The following GPHN variants were observed in gnomAD, a reference collection of about 807,000 sequenced individuals.
GPHN encodes gephyrin.
A neutral mutation model predicts 95.5 loss-of-function variants in GPHN; 17 were observed. That is an observed-to-expected ratio of 0.18 (90% CI 0.12 to 0.27). GPHN has a LOEUF of 0.27. Ranked by LOEUF, GPHN falls within the 10% of genes least tolerant of loss-of-function variation. GPHN has a pLI of 1.00. For missense variants in GPHN, 660 were observed against 978.1 expected (o/e 0.67, Z 4.34); for synonymous variants, 320 against 322.5 (o/e 0.99, Z 0.08).
chr14:67,620,004 T>C, the GPHN span: 2 of 1,608,198 alleles, frequency 1.2e-6, no homozygotes, highest in Non-Finnish European at 1.7e-6. Context: ...GCCTCTCGCG[T>C]CTCCTCCAGA....
chr14:67,153,909 A>G (rs1033354837), intron 18 of GPHN, among the ~76,000 whole-genome samples: 1 of 152,198 alleles, frequency 6.6e-6, no homozygotes, highest in African/African-American at 2.4e-5. Context: ...CTTTATCACT[A>G]TGTCTGGTAC....
At chr14:67,674,349 C>T in the GPHN span, 2 of 1,563,764 alleles carry the variant, frequency 1.3e-6, no homozygotes, top group Non-Finnish European at 1.7e-6. Flanking sequence ...CTGCGCTCCC[C>T]ACGGCGTGGC....
chr14:67,272,736 A>G, the GPHN span, among the ~76,000 whole-genome samples: 2 of 152,098 alleles, frequency 1.3e-5, no homozygotes, highest in Admixed American at 1.3e-4. Context: ...TTGGCTCACT[A>G]CAACCTCTGC....
the GPHN span, among the ~76,000 whole-genome samples, chr14:67,201,218 CA>C: frequency 6.6e-6 from 1 of 152,140 alleles, no homozygotes; most frequent in East Asian, 1.9e-4. Flanking sequence ...TGCTTAAGCC[CA>C]GGAGCTCCAG....
the GPHN span, chr14:67,600,246 C>T: frequency 1.3e-6 from 2 of 1,483,790 alleles, no homozygotes; most frequent in Non-Finnish European, 1.8e-6. Flanking sequence ...CGCTGCACTG[C>T]GCTCGCCGGC....
At chr14:66,666,268 A>T (rs1457803422) in intron 1 of GPHN, among the ~76,000 whole-genome samples, 1 of 150,158 alleles carries the variant, frequency 6.7e-6, no homozygotes, top group Non-Finnish European at 1.5e-5. Flanking sequence ...TATATATATA[A>T]AATATTAATA....
At chr14:67,433,119 T>A in the GPHN span, among the ~76,000 whole-genome samples, 2 of 152,108 alleles carry the variant, frequency 1.3e-5, no homozygotes, top group African/African-American at 4.8e-5. Context: ...ACCAGCCATG[T>A]CCCAACCCAG....
chr14:67,692,093 A>G, the GPHN span: 4 of 193,608 alleles, frequency 2.1e-5, no homozygotes, highest in African/African-American at 9.5e-5. Flanking sequence ...AGAACCTCAA[A>G]TACAGCTCCA....
At chr14:67,644,825 C>T in the GPHN span, among the ~76,000 whole-genome samples, 1 of 151,944 alleles carries the variant, frequency 6.6e-6, no homozygotes, top group Non-Finnish European at 1.5e-5. Context: ...GTTGAAACCC[C>T]ATCTTTACTA....
At chr14:66,527,594 G>A (rs887304216) in intron 1 of GPHN, among the ~76,000 whole-genome samples, 2 of 152,044 alleles carry the variant, frequency 1.3e-5, no homozygotes, top group African/African-American at 4.8e-5. Context: ...GCTTTCTCTT[G>A]TGGGCCTTTG....
the GPHN span, among the ~76,000 whole-genome samples, chr14:67,231,262 G>A: frequency 6.6e-6 from 1 of 152,132 alleles, no homozygotes; most frequent in South Asian, 2.1e-4. Context: ...CTGGGGTTGT[G>A]GGTAGCCAGG....
At position 66,952,909 on chromosome 14, in the gene GPHN, C is replaced by T. The variant is rs574791586; in HGVS notation, c.829-12282C>T. Reference sequence around the variant, plus strand: ...AGGGGTTTCACTATGTTTGCCAGGCCGGTCTCAAACTCCTGACCTCATGAT... The same window carrying T: ...AGGGGTTTCACTATGTTTGCCAGGCTGGTCTCAAACTCCTGACCTCATGAT... On this transcript the variant is annotated intron_variant, in intron 8 of 22. Transcript: ENST00000478722. 1.6e-4 allele frequency among the ~76,000 whole-genome samples: 24 copies of T among 151,734 alleles called. No homozygotes were observed. The South Asian group carries it at 3.3e-3, about 21-fold the overall frequency.
At chr14:67,436,539 G>C in the GPHN span, among the ~76,000 whole-genome samples, 1 of 152,128 alleles carries the variant, frequency 6.6e-6, no homozygotes, top group Admixed American at 6.6e-5. Flanking sequence ...TCCATATGGA[G>C]ACCAGGCAGG....
the GPHN span, among the ~76,000 whole-genome samples, chr14:67,278,269 C>T: frequency 1.5e-4 from 23 of 151,946 alleles, no homozygotes; most frequent in Admixed American, 4.6e-4. Flanking sequence ...CTCCCGACCT[C>T]AGGTGATCTG....
rs2068262248 is a variant in GPHN at position 66,698,397 on chromosome 14, G to C, written c.143+17212G>C. ...GTAAAAAGGGGATGTAATATTTTTT[G>C]GAGAAAATTGAACTATATGTTCAGT... On this transcript the variant is annotated intron_variant, in intron 2 of 22. Transcript: ENST00000478722. 2.6e-5 allele frequency among the ~76,000 whole-genome samples: 4 copies of C among 152,140 alleles called. No individual in the cohort carries two copies. In the South Asian group the frequency reaches 8.3e-4, roughly 32 times the overall value.
the GPHN span, among the ~76,000 whole-genome samples, chr14:67,608,847 T>C: frequency 3.9e-5 from 6 of 152,224 alleles, no homozygotes; most frequent in African/African-American, 1.4e-4. Context: ...GAGAACTGAA[T>C]AGAAAACAAC....
At chr14:67,703,526 A>G in the GPHN span, among the ~76,000 whole-genome samples, 1 of 152,210 alleles carries the variant, frequency 6.6e-6, no homozygotes, top group Non-Finnish European at 1.5e-5. Flanking sequence ...GAAAAAATAT[A>G]TAGAGGTAGA....
the GPHN span, among the ~76,000 whole-genome samples, chr14:67,505,373 C>A: frequency 3.9e-5 from 6 of 152,178 alleles, no homozygotes; most frequent in Admixed American, 6.6e-5. Flanking sequence ...TCCCCTGCAA[C>A]TGGGAGGACA....
At chr14:66,541,183 A>G (rs1043063501) in intron 1 of GPHN, among the ~76,000 whole-genome samples, 1 of 152,178 alleles carries the variant, frequency 6.6e-6, no homozygotes, top group African/African-American at 2.4e-5. Context: ...CCTGGCTTCA[A>G]GCGATCCACC....
Sources: gnomAD v4.1 joint callset for allele counts (sites outside exome capture counted in the v4.1 genomes callset) on GRCh38, gnomAD v4.1.1 for gene constraint, MANE v1.5 for transcripts, NCBI Gene and HGNC (gene_info 2026-07-23, HGNC 2026-07-21) for gene names.